The following PCDH9 variants were observed in gnomAD, a reference collection of about 807,000 sequenced individuals.
PCDH9 encodes protocadherin 9, also known as protocadherin-9.
Under a neutral mutation model 70.6 loss-of-function variants are expected in PCDH9, and 24 were observed. The ratio of observed to expected loss-of-function variants is 0.34; its 90% CI spans 0.25 to 0.48. PCDH9 has a LOEUF of 0.48. Ranked by LOEUF, PCDH9 falls within the 20% of genes least tolerant of loss-of-function variation. The pLI is 0.99. For synonymous variants in PCDH9, 562 were observed against 558.5 expected, an observed-to-expected ratio of 1.01 and a Z score of -0.09; for missense variants, 1,281 against 1,503.6, an observed-to-expected ratio of 0.85 and a Z score of 2.45.
chr13:67,104,898 C>T (rs932963547), intron 2 of PCDH9, among the ~76,000 whole-genome samples: 4 of 150,640 alleles, frequency 2.7e-5, no homozygotes, highest in Admixed American at 6.7e-5. Flanking sequence ...TAAGAGAATC[C>T]TTAATCTCAC....
chr13:66,653,337 TA>T (rs1453771129), intron 3 of PCDH9, among the ~76,000 whole-genome samples: 1 of 152,114 alleles, frequency 6.6e-6, no homozygotes, highest in Non-Finnish European at 1.5e-5. Flanking sequence ...AATCTGATTG[TA>T]AAATGGTCAA....
chr13:66,668,811 A>G (rs941430428), intron 3 of PCDH9, among the ~76,000 whole-genome samples: 4 of 152,164 alleles, frequency 2.6e-5, no homozygotes, highest in African/African-American at 9.7e-5. Flanking sequence ...AGTTCATTAT[A>G]ATGCAGAGGT....
intron 2 of PCDH9, among the ~76,000 whole-genome samples, chr13:67,156,291 A>C (rs2087811039): frequency 6.6e-6 from 1 of 152,174 alleles, no homozygotes; most frequent in South Asian, 2.1e-4. Context: ...GATCAGCAGA[A>C]GAAGATAGAG....
chr13:66,650,116 A>G (rs2077829768), intron 3 of PCDH9, among the ~76,000 whole-genome samples: 1 of 152,170 alleles, frequency 6.6e-6, no homozygotes, highest in South Asian at 2.1e-4. Flanking sequence ...AACAAATGGC[A>G]GGAGTAAATC....
intron 2 of PCDH9, among the ~76,000 whole-genome samples, chr13:66,946,568 G>T (rs900696824): frequency 3.0e-4 from 46 of 151,942 alleles, no homozygotes; most frequent in African/African-American, 1.0e-3. Context: ...CTAAATATTT[G>T]GTACTAATCA....
chr13:66,621,826 G>A (rs979200519), intron 4 of PCDH9, among the ~76,000 whole-genome samples: 4 of 152,260 alleles, frequency 2.6e-5, no homozygotes, highest in African/African-American at 7.2e-5. Flanking sequence ...CGCCTCCTCT[G>A]CCTGGGCTCC....
chr13:66,948,612 A>T (rs1191954025), intron 2 of PCDH9, among the ~76,000 whole-genome samples: 2 of 152,070 alleles, frequency 1.3e-5, no homozygotes, highest in Non-Finnish European at 2.9e-5. Context: ...CTCAGAATGT[A>T]GGGAAAAATG....
chr13:66,745,222 G>A (rs2079341275), intron 3 of PCDH9, among the ~76,000 whole-genome samples: 1 of 152,142 alleles, frequency 6.6e-6, no homozygotes, highest in African/African-American at 2.4e-5. Context: ...ATGATGATCT[G>A]AATGATGTCT....
chr13:67,105,440 G>A (rs1003462702), intron 2 of PCDH9, among the ~76,000 whole-genome samples: 4 of 152,066 alleles, frequency 2.6e-5, no homozygotes, highest in Non-Finnish European at 5.9e-5. Flanking sequence ...TGGAAAAGAA[G>A]GGGTTATTCA....
At chr13:66,932,653 T>C (rs1283339340) in intron 2 of PCDH9, among the ~76,000 whole-genome samples, 1 of 111,350 alleles carries the variant, frequency 9.0e-6, no homozygotes, top group African/African-American at 3.5e-5. Context: ...AATGTGTAAA[T>C]CCTCACATAT....
chr13:66,870,326 C>T (rs1055312118), intron 3 of PCDH9, among the ~76,000 whole-genome samples: 1 of 152,034 alleles, frequency 6.6e-6, no homozygotes, highest in African/African-American at 2.4e-5. Context: ...GTTACTGTAG[C>T]CTTGTAGTAT....
At chr13:67,190,521 T>C (rs768101736) in intron 2 of PCDH9, among the ~76,000 whole-genome samples, 3 of 152,016 alleles carry the variant, frequency 2.0e-5, no homozygotes, top group Non-Finnish European at 2.9e-5. Context: ...TGAACCATTT[T>C]TGAGGAAGAT....
chr13:67,119,174 T>C (rs571318711), intron 2 of PCDH9, among the ~76,000 whole-genome samples: 13 of 152,272 alleles, frequency 8.5e-5, no homozygotes, highest in African/African-American at 2.4e-4. Flanking sequence ...AGAAGTTTTT[T>C]TCTTTTGGGG....
At chr13:66,737,552 G>C (rs959425925) in intron 3 of PCDH9, among the ~76,000 whole-genome samples, 1 of 151,914 alleles carries the variant, frequency 6.6e-6, no homozygotes, top group Non-Finnish European at 1.5e-5. Context: ...CGACGCAGAA[G>C]ACGGGTGATT....
intron 4 of PCDH9, among the ~76,000 whole-genome samples, chr13:66,385,995 A>AT (rs964840869): frequency 5.5e-5 from 8 of 145,652 alleles, no homozygotes; most frequent in Admixed American, 3.3e-4. Flanking sequence ...AACGTATCTG[A>AT]TAAAAAAAAA....
intron 2 of PCDH9, among the ~76,000 whole-genome samples, chr13:67,087,908 TA>T (rs1168886697): frequency 6.6e-6 from 1 of 152,036 alleles, no homozygotes; most frequent in Non-Finnish European, 1.5e-5. Flanking sequence ...AGATGTTTAG[TA>T]TTCTGTGGAT....
intron 4 of PCDH9, among the ~76,000 whole-genome samples, chr13:66,321,437 A>T (rs1955751485): frequency 6.6e-6 from 1 of 151,960 alleles, no homozygotes; most frequent in South Asian, 2.1e-4. Flanking sequence ...AGCATGGATG[A>T]TCAGTGTGAT....
intron 3 of PCDH9, among the ~76,000 whole-genome samples, chr13:66,705,666 A>G (rs1190719707): frequency 6.6e-6 from 1 of 152,214 alleles, no homozygotes; most frequent in Non-Finnish European, 1.5e-5. Context: ...GATAAAATCT[A>G]AAATGCAGTT....
At chr13:66,748,674 G>T (rs1366867893) in intron 3 of PCDH9, among the ~76,000 whole-genome samples, 1 of 152,112 alleles carries the variant, frequency 6.6e-6, no homozygotes, top group Non-Finnish European at 1.5e-5. Context: ...TATAAATTGT[G>T]CAATTATTTG....
Sources: allele counts gnomAD v4.1 joint callset (sites outside exome capture counted in the v4.1 genomes callset), GRCh38; gene constraint gnomAD v4.1.1; transcripts MANE v1.5; gene names NCBI Gene and HGNC (gene_info 2026-07-23, HGNC 2026-07-21).